The following EXD1 variants were observed in gnomAD, a reference collection of about 807,000 sequenced individuals.
The protein encoded by EXD1 is exonuclease 3'-5' domain containing 1.
A neutral mutation model predicts 49.1 loss-of-function variants in EXD1; 63 were observed. That is an observed-to-expected ratio of 1.28 (90% CI 1.05 to 1.58). The LOEUF is 1.58. Ranked by LOEUF, EXD1 falls within the 40% of genes most tolerant of loss-of-function variation. EXD1 has a pLI of 0.00. For missense variants in EXD1, 748 were observed against 666.0 expected, an observed-to-expected ratio of 1.12 and a Z score of -1.36; for synonymous variants, 234 against 239.2, an observed-to-expected ratio of 0.98 and a Z score of 0.20.
At chr15:41,189,622 C>A (rs2046472923) in intron 11 of EXD1, among the ~76,000 whole-genome samples, 1 of 151,832 alleles carries the variant, frequency 6.6e-6, no homozygotes. Context: ...GAGATCATGT[C>A]ATTGCACTCC....
At chr15:41,219,676 A>G (rs1166269899) in intron 3 of EXD1, 154 bp downstream of exon 3, 1 of 594,414 alleles carries the variant, frequency 1.7e-6, no homozygotes, top group Non-Finnish European at 2.8e-6. Flanking sequence ...CTATAAGACT[A>G]TTTTACTCAT....
intron 6 of EXD1, among the ~76,000 whole-genome samples, chr15:41,214,980 C>A (rs1419609714): frequency 6.6e-6 from 1 of 152,034 alleles, no homozygotes; most frequent in Non-Finnish European, 1.5e-5. Flanking sequence ...CTCCTGACCT[C>A]GTGATCCACC....
chr15:41,195,707 C>T (rs950387224), intron 9 of EXD1, 68 bp downstream of exon 9: 1 of 1,193,994 alleles, frequency 8.4e-7, no homozygotes, highest in East Asian at 2.6e-5. Flanking sequence ...CATCAGATGA[C>T]CAGATGAGCC....
intron 10 of EXD1, among the ~76,000 whole-genome samples, chr15:41,190,891 CTTATTTGT>C (rs1356379618): frequency 1.0e-5 from 1 of 98,496 alleles, no homozygotes; most frequent in Non-Finnish European, 2.1e-5. Context: ...TTTAAGAGTG[CTTATTTGT>C]TTATTTATTT....
intron 11 of EXD1, among the ~76,000 whole-genome samples, chr15:41,185,678 G>A (rs1056914598): frequency 1.1e-4 from 16 of 151,810 alleles, no homozygotes; most frequent in Admixed American, 6.6e-4. Flanking sequence ...GTGCCACCAC[G>A]CCTGGCTAAT....
At chr15:41,210,631 A>C (rs1030121310) in intron 6 of EXD1, among the ~76,000 whole-genome samples, 1 of 151,988 alleles carries the variant, frequency 6.6e-6, no homozygotes, top group Non-Finnish European at 1.5e-5. Context: ...CTGAGGCTGC[A>C]GTGAGCCATG....
At chr15:41,229,860 T>G (rs1169795560) in intron 1 of EXD1, among the ~76,000 whole-genome samples, 2 of 152,156 alleles carry the variant, frequency 1.3e-5, no homozygotes, top group Admixed American at 6.5e-5. Context: ...CAGGCTAAGC[T>G]GTAAAGCCTT....
At chr15:41,211,761 A>T (rs965442764) in intron 6 of EXD1, among the ~76,000 whole-genome samples, 1 of 144,960 alleles carries the variant, frequency 6.9e-6, no homozygotes, top group Non-Finnish European at 1.5e-5. Context: ...GGAGTTCAAG[A>T]CCAGCTTGGG....
intron 11 of EXD1, among the ~76,000 whole-genome samples, chr15:41,187,786 C>T (rs1196183812): frequency 1.3e-5 from 2 of 151,876 alleles, no homozygotes; most frequent in Non-Finnish European, 2.9e-5. Context: ...GAGGCCGAGG[C>T]GGGTGGATCA....
At position 41,190,022 on chromosome 15, in the gene EXD1, T is replaced by A. The variant is rs1188929914; in HGVS notation, c.971A>T (p.Glu324Val). 6.2e-7 allele frequency: 1 copy of A among 1,613,986 alleles called. No individual in the cohort carries two copies. Among genetic ancestry groups the A allele is most frequent in the East Asian group, 2.2e-5 (1 of 44,880 alleles). Residue 324 changes from glutamate to valine, a missense_variant, in exon 11 of 12, where the codon GAG (glutamate) becomes GTG (valine). Coordinates refer to ENST00000458580, the MANE Select transcript of EXD1 (RefSeq NM_001286441.2). ...LLPLRLALLD[E>V]MMSDLTTLVD... ...CAGGGTGGTTAGGTCAGACATCATC[T>A]CATCTAGGAGTGCCAAGCGAAGGGG... is the stretch of plus-strand genomic sequence containing the variant.
chr15:41,222,226 T>C (rs7167142), intron 2 of EXD1, among the ~76,000 whole-genome samples: 24,890 of 152,084 alleles, frequency 0.16, 3,783 homozygotes, highest in African/African-American at 0.4. Context: ...ACCAGCCTGG[T>C]CAACATGGTG....
chr15:41,220,047 AAGAGT>A, intron 2 of EXD1, 149 bp from the exon 3 acceptor site: 1 of 623,086 alleles, frequency 1.6e-6, no homozygotes. Context: ...CCAAGGAATG[AAGAGT>A]CAATAATAAA....
At chr15:41,221,691 C>A (rs558074509) in intron 2 of EXD1, among the ~76,000 whole-genome samples, 1 of 151,948 alleles carries the variant, frequency 6.6e-6, no homozygotes, top group South Asian at 2.1e-4. Flanking sequence ...AGAGTTTTGT[C>A]CCTCATCCTT....
chr15:41,226,821 A>C (rs2047171157), intron 1 of EXD1, among the ~76,000 whole-genome samples, 193 bp from the exon 2 acceptor site: 1 of 152,198 alleles, frequency 6.6e-6, no homozygotes, highest in Non-Finnish European at 1.5e-5. Flanking sequence ...AACTATAAGA[A>C]ATTGGGCAAG....
chr15:41,221,541 G>A (rs886970190), intron 2 of EXD1, among the ~76,000 whole-genome samples: 2 of 151,630 alleles, frequency 1.3e-5, no homozygotes, highest in African/African-American at 4.8e-5. Flanking sequence ...CCCAAAAGTC[G>A]TGGGATTACA....
chr15:41,189,956 T>G lies in EXD1; in HGVS notation c.1037A>C (p.Asp346Ala). ...YLNTYREGSADRLGGTEPTCM... is the reference protein window; with the variant it reads ...YLNTYREGSAARLGGTEPTCM... ...ACCTACCTCAGTGCCTCCAAGCCGGTCTGCAGACCCTTCGCGATACGTGTT... is the reference window on the plus strand; with the variant it reads ...ACCTACCTCAGTGCCTCCAAGCCGGGCTGCAGACCCTTCGCGATACGTGTT... Residue 346 changes from aspartate (D) to alanine (A), a missense_variant, in exon 11 of 12, where the codon GAC (aspartate) becomes GCC (alanine). By Grantham distance (126) the Asp-to-Ala change is moderately radical (BLOSUM62 -2). Transcript: ENST00000458580. The G allele has an allele frequency of 6.2e-7, 1 of 1,614,052 alleles. No individual in the cohort carries two copies. Among genetic ancestry groups the G allele is most frequent in the Non-Finnish European group, 8.5e-7 (1 of 1,180,004 alleles).
intron 6 of EXD1, among the ~76,000 whole-genome samples, chr15:41,213,384 T>A (rs953740980): frequency 6.6e-6 from 1 of 151,946 alleles, no homozygotes; most frequent in East Asian, 1.9e-4. Flanking sequence ...GTATTTTTAG[T>A]AGAGACGGTG....
At chr15:41,188,051 G>T (rs962534381) in intron 11 of EXD1, among the ~76,000 whole-genome samples, 2 of 145,074 alleles carry the variant, frequency 1.4e-5, no homozygotes, top group Non-Finnish European at 1.5e-5. Context: ...AGTATTTTAA[G>T]ATTTTACATC....
intron 9 of EXD1, among the ~76,000 whole-genome samples, chr15:41,192,978 AG>A (rs1208380650): frequency 6.6e-6 from 1 of 151,536 alleles, no homozygotes; most frequent in Non-Finnish European, 1.5e-5. Flanking sequence ...TTGTATTTTT[AG>A]TACAGACAGG....
Sources: gnomAD v4.1 joint callset for allele counts (sites outside exome capture counted in the v4.1 genomes callset) on GRCh38, gnomAD v4.1.1 for gene constraint, MANE v1.5 for transcripts, NCBI Gene and HGNC (gene_info 2026-07-23, HGNC 2026-07-21) for gene names.